Variants in TDRD10 observed in about 807,000 individuals in gnomAD.
TDRD10 encodes tudor domain containing 10, also known as tudor domain-containing protein 10.
Under a neutral mutation model 48.0 loss-of-function variants are expected in TDRD10, and 40 were observed. The observed-to-expected ratio is 0.83, with a 90% CI of 0.65 to 1.09. The LOEUF (loss-of-function observed/expected upper bound fraction) is 1.09. TDRD10 is among the 50% of genes least tolerant of loss of function. The probability of loss-of-function intolerance (pLI) is 0.00; values close to 1 mark genes in which losing one functional copy is unlikely to be tolerated. For synonymous variants in TDRD10, 162 were observed against 170.4 expected (o/e 0.95, Z 0.38); for missense variants, 378 against 434.7 (o/e 0.87, Z 1.16).
intron 6 of TDRD10, among the ~76,000 whole-genome samples, chr1:154,535,259 C>T (rs889151088): frequency 1.3e-5 from 2 of 151,638 alleles, no homozygotes; most frequent in South Asian, 2.1e-4. Context: ...TCCAGCTACT[C>T]GGGAGGCTGA....
intron 4 of TDRD10, 40 bp downstream of exon 4, chr1:154,508,521 C>T: frequency 7.3e-7 from 1 of 1,379,106 alleles, no homozygotes; most frequent in East Asian, 2.3e-5. Context: ...CTTCCTTGGC[C>T]TTCCCATATG....
At position 154,544,900 on chromosome 1, in the gene TDRD10, C is replaced by T. The variant is rs770651464; in HGVS notation, c.903C>T (p.Asp301=). The T allele has an allele frequency of 2.2e-5, 36 of 1,614,104 alleles. No individual in the cohort carries two copies. The highest frequency in any genetic ancestry group is 6.7e-5 in the Admixed American group (4 of 60,010). ...PVQSLRSLDS[D]DFWTIPPLTQ... ...AGTCTCTGCGCAGCCTAGACAGCGACGACTTCTGGACCATCCCACCCCTGA... is the reference window on the plus strand; with the variant it reads ...AGTCTCTGCGCAGCCTAGACAGCGATGACTTCTGGACCATCCCACCCCTGA... The change falls in exon 11 of 13, where the codon GAC becomes GAT. Residue 301 remains aspartate (D), a synonymous_variant. Coordinates refer to ENST00000368482, the MANE Select transcript of TDRD10 (RefSeq NM_182499.4).
intron 6 of TDRD10, among the ~76,000 whole-genome samples, chr1:154,522,019 G>T (rs1216019776): frequency 6.6e-6 from 1 of 152,250 alleles, no homozygotes; most frequent in Non-Finnish European, 1.5e-5. Flanking sequence ...TCCGTATGCA[G>T]AGGTGAACCA....
At chr1:154,546,068 C>T (rs571236945) in intron 11 of TDRD10, among the ~76,000 whole-genome samples, 3 of 147,160 alleles carry the variant, frequency 2.0e-5, no homozygotes, top group East Asian at 4.0e-4. Context: ...CCACCGTGCC[C>T]GGCCCTCAGA....
chr1:154,546,899 T>C (rs1695623457), intron 11 of TDRD10, among the ~76,000 whole-genome samples: 1 of 152,126 alleles, frequency 6.6e-6, no homozygotes, highest in South Asian at 2.1e-4. Context: ...TGATTCAGTG[T>C]CATACATACA....
rs1298963674 is a variant in TDRD10, at chr1:154,544,105, A to T, written c.646A>T (p.Thr216Ser). 6.2e-7 allele frequency: 1 copy of T among 1,613,988 alleles called. No individual in the cohort carries two copies. The highest frequency in any genetic ancestry group is 8.5e-7 in the Non-Finnish European group (1 of 1,180,012). The change falls in exon 9 of 13, where the codon ACT (threonine) becomes TCT (serine). Residue 216 changes from threonine (T) to serine (S), a missense_variant. Coordinates refer to ENST00000368482, the MANE Select transcript of TDRD10 (RefSeq NM_182499.4). ...CCCGTTTTTCTGGGCTATGCACGTCACTGAGGTATGGACTGGTTGTTGGCC... is the reference window on the plus strand; with the variant it reads ...CCCGTTTTTCTGGGCTATGCACGTCTCTGAGGTATGGACTGGTTGTTGGCC... Reference protein sequence around the residue: ...KTPFFWAMHVTEALHQNMQAL... With the variant: ...KTPFFWAMHVSEALHQNMQAL...
chr1:154,507,984 A>G (rs957205332), intron 3 of TDRD10, among the ~76,000 whole-genome samples: 6 of 151,856 alleles, frequency 4.0e-5, no homozygotes, highest in Admixed American at 2.6e-4. Context: ...GTCCCGAAAC[A>G]CTTCATAATA....
intron 11 of TDRD10, among the ~76,000 whole-genome samples, chr1:154,546,487 GATAT>G (rs1432148452): frequency 2.1e-5 from 3 of 140,652 alleles, no homozygotes; most frequent in Non-Finnish European, 3.1e-5. Context: ...TATAATACGT[GATAT>G]ATATAATATA....
chr1:154,544,265 G>A, intron 9 of TDRD10, 107 bp from the exon 10 acceptor site: 47 of 1,541,942 alleles, frequency 3.0e-5, no homozygotes, highest in Non-Finnish European at 4.1e-5. Flanking sequence ...CCTCATACCT[G>A]ATGGCCTTGG....
rs954206160 is a variant in TDRD10 at position 154,509,785 on chromosome 1, C to G, written c.141+1304C>G. 6 of 985,232 alleles carry G rather than the reference C, an allele frequency of 6.1e-6. No homozygotes were observed. The African/African-American group carries it at 1.0e-4, about 17-fold the overall frequency. 61.0% of individuals were successfully genotyped at this position (985,232 alleles called of 1,614,324 possible). A position where few individuals can be genotyped will look rare whatever the true frequency, so the allele number is the denominator to read the frequency against. Reference sequence around the variant, plus strand: ...CCTACTAGGGCTGGTTTTCCTCCCCCATTTTGGCAGGCTGGTCCAACCTGT... The same window carrying G: ...CCTACTAGGGCTGGTTTTCCTCCCCGATTTTGGCAGGCTGGTCCAACCTGT... On this transcript the variant is annotated intron_variant, in intron 4 of 12. Transcript: ENST00000368482.
At position 154,502,798 on chromosome 1, in the gene TDRD10, C is replaced by G. The variant is rs1433650026; in HGVS notation, c.-259C>G. The G allele has an allele frequency of 6.6e-6, 1 of 152,296 alleles. No individual in the cohort carries two copies. Among genetic ancestry groups the G allele is most frequent in the Non-Finnish European group, 1.5e-5 (1 of 68,112 alleles). The allele number at this position is 152,296 out of a possible 1,614,324, so 9.4% of individuals were successfully genotyped here. ...TGGCGGTAGGGCAGAGGTTGCGGCC[C>G]GAGGTCCGGGCGCAGGGACAACGGT... On this transcript the variant is annotated 5_prime_UTR_variant, in exon 1 of 13. Coordinates refer to ENST00000368482, the MANE Select transcript of TDRD10 (RefSeq NM_182499.4).
intron 4 of TDRD10, among the ~76,000 whole-genome samples, chr1:154,519,972 C>G (rs1383922917): frequency 6.6e-6 from 1 of 152,196 alleles, no homozygotes; most frequent in Non-Finnish European, 1.5e-5. Context: ...TCACTTCTTC[C>G]TGGGAGCATA....
chr1:154,517,789 T>G (rs1040892398), intron 4 of TDRD10, among the ~76,000 whole-genome samples: 1 of 152,150 alleles, frequency 6.6e-6, no homozygotes, highest in African/African-American at 2.4e-5. Context: ...TCCTAGTTTT[T>G]GCTTCCTCAA....
rs554809623 is a variant in TDRD10 at position 154,526,940 on chromosome 1, G to A, written c.369+5461G>A. ...TTAATTATTTTTTAGACAGAGTCTC[G>A]CTCTTGTCACCCAGGCTGGAGTGCA... On this transcript the variant is annotated intron_variant, in intron 6 of 12. Transcript: ENST00000368482. 3.3e-5 allele frequency among the ~76,000 whole-genome samples: 5 copies of A among 149,258 alleles called. No individual in the cohort carries two copies. In the East Asian group the frequency reaches 1.0e-3, roughly 30 times the overall value.
intron 6 of TDRD10, among the ~76,000 whole-genome samples, chr1:154,540,720 G>A (rs886360315): frequency 2.0e-5 from 3 of 152,136 alleles, no homozygotes; most frequent in African/African-American, 7.2e-5. Context: ...AGCTTTGAGA[G>A]TCCGTGGTAC....
rs556060741 is a variant in TDRD10 at position 154,511,037 on chromosome 1, C to A, written c.141+2556C>A. The stretch of plus-strand genomic sequence containing the variant: ...CTCCAGCCTGGGAGATAGAGCGAGA[C>A]CCTGTTTCAAAAAAAAAAAAATTTA... On this transcript the variant is annotated intron_variant, in intron 4 of 12. Coordinates refer to ENST00000368482, the MANE Select transcript of TDRD10 (RefSeq NM_182499.4). Among the ~76,000 whole-genome samples, 4 of 151,468 alleles carry A rather than the reference C, an allele frequency of 2.6e-5. No individual in the cohort carries two copies. The South Asian group carries it at 6.2e-4, about 24-fold the overall frequency.
chr1:154,533,902 TAA>T (rs1694785638), intron 6 of TDRD10, among the ~76,000 whole-genome samples: 1 of 146,098 alleles, frequency 6.8e-6, no homozygotes. Context: ...TATTTTTTTT[TAA>T]TTTTCTATTG....
rs535907299 is a variant in TDRD10, at chr1:154,541,867, G to A, written c.370-157G>A. Reference sequence around the variant, plus strand: ...TGGCTCAGGATGCCGTGAGGATGGAGAGAGTGGACGGATGTCTCAAAAGTC... The same window carrying A: ...TGGCTCAGGATGCCGTGAGGATGGAAAGAGTGGACGGATGTCTCAAAAGTC... On this transcript the variant is annotated intron_variant, in intron 6 of 12. Coordinates refer to ENST00000368482, the MANE Select transcript of TDRD10 (RefSeq NM_182499.4). The A allele has an allele frequency of 3.8e-4, 243 of 636,820 alleles. 7 individuals carry two copies. In the South Asian group the frequency reaches 4.4e-3, roughly 12 times the overall value. 39.4% of individuals were successfully genotyped at this position (636,820 alleles called of 1,614,324 possible).
intron 8 of TDRD10, 68 bp from the exon 9 acceptor site, chr1:154,543,895 G>T (rs1695394526): frequency 1.3e-6 from 2 of 1,591,978 alleles, no homozygotes; most frequent in Non-Finnish European, 1.7e-6. Context: ...ACAGGCGTTG[G>T]TCCAGTCGTT....
Sources: gnomAD v4.1 joint callset for allele counts (sites outside exome capture counted in the v4.1 genomes callset) on GRCh38, gnomAD v4.1.1 for gene constraint, MANE v1.5 for transcripts, NCBI Gene and HGNC (gene_info 2026-07-23, HGNC 2026-07-21) for gene names.